The following DNAH2 variants were observed in gnomAD, a reference collection of about 807,000 sequenced individuals.
The protein encoded by DNAH2 is dynein axonemal heavy chain 2.
Under a neutral mutation model 523.5 loss-of-function variants are expected in DNAH2, and 323 were observed. That is an observed-to-expected ratio of 0.62 (90% CI 0.56 to 0.68). The LOEUF (loss-of-function observed/expected upper bound fraction) is 0.68. DNAH2 is among the 30% of genes least tolerant of loss of function. DNAH2 has a pLI of 0.00. For missense variants in DNAH2, 4,907 were observed against 5,701.5 expected (o/e 0.86, Z 4.49); for synonymous variants, 2,093 against 2,177.4 (o/e 0.96, Z 1.08).
rs569615975 is a variant in DNAH2 at position 7,774,759 on chromosome 17, G to T, written c.4502G>T (p.Gly1501Val). ...NNALRSTHHP[G>V]LLDTLIEMNT... Reference sequence around the variant, plus strand: ...TGTCATTCATCGCTCTTCTTCCCAGGCCTCCTGGACACATTGATAGAAATG... The same window carrying T: ...TGTCATTCATCGCTCTTCTTCCCAGTCCTCCTGGACACATTGATAGAAATG... Residue 1501 changes from glycine (G) to valine (V), a missense_variant and splice_region_variant, in exon 29 of 86, where the codon GGC (glycine) becomes GTC (valine). By Grantham distance (109) the Gly-to-Val change is moderately radical (BLOSUM62 -3). Around this residue, in one of 3 missense-constraint regions of DNAH2, gnomAD observed 2,806 missense variants for 3,190.8 expected, o/e 0.88. Transcript: ENST00000572933. 4.3e-6 allele frequency: 7 copies of T among 1,612,456 alleles called. No individual in the cohort carries two copies. The highest frequency in any genetic ancestry group is 5.9e-6 in the Non-Finnish European group (7 of 1,178,822).
In DNAH2 at chr17:7,727,305, C is replaced by T. The variant is rs2074847165; in HGVS notation, c.399+13C>T. ...CATGCCTGTACAGGTGCGTACCCTACATTCCCAGATCAAAGGTGGTCCTAC... is the reference window on the plus strand; with the variant it reads ...CATGCCTGTACAGGTGCGTACCCTATATTCCCAGATCAAAGGTGGTCCTAC... On this transcript the variant is annotated intron_variant, in intron 4 of 85. Coordinates refer to ENST00000572933, the MANE Select transcript of DNAH2 (RefSeq NM_020877.5). The T allele has an allele frequency of 1.3e-6, 2 of 1,598,398 alleles. No individual in the cohort carries two copies. The highest frequency in any genetic ancestry group is 1.1e-5 in the South Asian group (1 of 88,092).
Position 7,804,273 on chromosome 17 carries a change from G to A in DNAH2, c.8990G>A (p.Arg2997Gln), listed in dbSNP as rs777805929. The A allele has an allele frequency of 2.2e-5, 36 of 1,613,940 alleles. 1 individual carries two copies. Among genetic ancestry groups the A allele is most frequent in the South Asian group, 2.1e-4 (19 of 91,064 alleles). ...TCCCCCAGGTTGCTGGGAGAAAAAC[G>A]GCAGGAGCTGCTGGCCCAAGCCAAT... ...SGYKKLLGEKRQELLAQANKL... is the reference protein window; with the variant it reads ...SGYKKLLGEKQQELLAQANKL... The change falls in exon 59 of 86, where the codon CGG becomes CAG. Residue 2997 changes from arginine (R) to glutamine (Q), a missense_variant. By Grantham distance (43) the Arg-to-Gln change is conservative. Around this residue, in one of 3 missense-constraint regions of DNAH2, gnomAD observed 1,851 missense variants for 2,139.4 expected, o/e 0.87. Coordinates refer to ENST00000572933, the MANE Select transcript of DNAH2 (RefSeq NM_020877.5).
In DNAH2 at chr17:7,781,024, CTG is replaced by C. The variant is rs767289732; in HGVS notation, c.6004-16_6004-15del. ...GCCCTGCCTCCTCAAGCCTGAGTCT[CTG>C]TCTTTTCCCATTCAGGTTCTGCTGC... On this transcript the variant is annotated splice_polypyrimidine_tract_variant and intron_variant, in intron 38 of 85. Transcript: ENST00000572933. 5.6e-5 allele frequency: 91 copies of C among 1,613,710 alleles called. No homozygotes were observed. The highest frequency in any genetic ancestry group is 2.4e-5 in the Non-Finnish European group (28 of 1,180,056).
rs1456318143 is a variant in DNAH2, at chr17:7,790,706, CT to C, written c.6901-1205del. Among the ~76,000 whole-genome samples the C allele has an allele frequency of 6.2e-3, 803 of 129,176 alleles. 9 individuals carry two copies. The highest frequency in any genetic ancestry group is 0.019 in the African/African-American group (744 of 39,104). The allele number at this position is 129,176 out of a possible 152,430, so 84.7% of individuals were successfully genotyped here. On this transcript the variant is annotated intron_variant, in intron 44 of 85. Transcript: ENST00000572933. ...TGTTTGTGTATGTCATTCCAGACCT[CT>C]TTTTTAATTTTTTTTTTTTTAAGAG... is the stretch of plus-strand genomic sequence containing the variant.
In DNAH2 at chr17:7,785,094, ATT is replaced by A. The variant is rs33990598; in HGVS notation, c.6130-1014_6130-1013del. On this transcript the variant is annotated intron_variant, in intron 39 of 85. Coordinates refer to ENST00000572933, the MANE Select transcript of DNAH2 (RefSeq NM_020877.5). ...AATGGATCAAAGAAGAAATTAGAGA[ATT>A]TTTTTTTTTTTTTTTGAGATGGAGT... 2.5e-3 allele frequency among the ~76,000 whole-genome samples: 340 copies of A among 134,804 alleles called. 1 individual carries two copies. Among genetic ancestry groups the A allele is most frequent in the Admixed American group, 2.8e-3 (38 of 13,596 alleles). The allele number at this position is 134,804 out of a possible 152,430, so 88.4% of individuals were successfully genotyped here. A position where few individuals can be genotyped will look rare whatever the true frequency, so the allele number is the denominator to read the frequency against.
Position 7,776,054 on chromosome 17 carries a change from A to T in DNAH2, c.4852A>T (p.Arg1618Trp). ...SWLGDVEQTMRVTLRDLLRNC... is the reference protein window; with the variant it reads ...SWLGDVEQTMWVTLRDLLRNC... Reference sequence around the variant, plus strand: ...GCTTGGCGATGTGGAACAGACCATGAGGGTGACCCTGCGGGACCTTCTCCG... The same window carrying T: ...GCTTGGCGATGTGGAACAGACCATGTGGGTGACCCTGCGGGACCTTCTCCG... Residue 1618 changes from arginine (R) to tryptophan (W), a missense_variant, in exon 31 of 86, where the codon AGG (arginine) becomes TGG (tryptophan). This residue lies in a region of DNAH2 where 2,806 missense variants were observed against 3,190.8 expected (regional missense o/e 0.88). Coordinates refer to ENST00000572933, the MANE Select transcript of DNAH2 (RefSeq NM_020877.5). The T allele has an allele frequency of 6.2e-7, 1 of 1,614,082 alleles. No homozygotes were observed. The highest frequency in any genetic ancestry group is 2.2e-5 in the East Asian group (1 of 44,874).
At chr17:7,720,256 G>A (rs1293775510) in intron 2 of DNAH2, among the ~76,000 whole-genome samples, 1 of 152,024 alleles carries the variant, frequency 6.6e-6, no homozygotes, top group African/African-American at 2.4e-5. Context: ...TTCACCCTGG[G>A]TGGCAAAACA....
At chr17:7,761,261 T>C (rs2151199128) in intron 18 of DNAH2, among the ~76,000 whole-genome samples, 2 of 152,146 alleles carry the variant, frequency 1.3e-5, no homozygotes, top group South Asian at 4.2e-4. Flanking sequence ...TAGAAGATTA[T>C]TTTGTTTGTT....
chr17:7,821,149 G>A lies in DNAH2; in HGVS notation c.11016-94G>A. On this transcript the variant is annotated intron_variant, in intron 72 of 85. Coordinates refer to ENST00000572933, the MANE Select transcript of DNAH2 (RefSeq NM_020877.5). This position sits in a 1 kb window ranked among gnomAD's most constrained non-coding sequence, Gnocchi z 5.0. ...ATTAGAGGCTGGTGAGGTCCTCTGT[G>A]TGAAGCTGTGTGATAGTAGCATCAT... 6.6e-7 allele frequency: 1 copy of A among 1,518,944 alleles called. No individual in the cohort carries two copies. The highest frequency in any genetic ancestry group is 1.3e-5 in the South Asian group (1 of 77,326). 94.1% of individuals were successfully genotyped at this position (1,518,944 alleles called of 1,614,324 possible). A position where few individuals can be genotyped will look rare whatever the true frequency, so the allele number is the denominator to read the frequency against.
chr17:7,785,239 C>T (rs544373521), intron 39 of DNAH2, among the ~76,000 whole-genome samples: 3 of 151,958 alleles, frequency 2.0e-5, no homozygotes, highest in South Asian at 4.2e-4. Context: ...GTAGCTGGGA[C>T]TACAGGCACA....
chr17:7,802,476 C>G (rs2151294923), intron 58 of DNAH2, among the ~76,000 whole-genome samples: 1 of 152,294 alleles, frequency 6.6e-6, no homozygotes, highest in African/African-American at 2.4e-5. Flanking sequence ...GCTCCAGTCC[C>G]TGATATAGAA....
At chr17:7,824,954 A>G (rs2077978308) in intron 77 of DNAH2, among the ~76,000 whole-genome samples, 1 of 152,178 alleles carries the variant, frequency 6.6e-6, no homozygotes, top group African/African-American at 2.4e-5. Flanking sequence ...CTTTACATTT[A>G]TTAACTCGTT....
intron 53 of DNAH2, 87 bp downstream of exon 53, chr17:7,797,916 C>A: frequency 1.7e-5 from 26 of 1,504,916 alleles, no homozygotes; most frequent in Non-Finnish European, 2.1e-5. Flanking sequence ...CCAGGTCTCC[C>A]AAATCAAGTT....
chr17:7,777,681 T>G (rs1259649579), intron 33 of DNAH2, 47 bp downstream of exon 33: 2 of 1,601,944 alleles, frequency 1.2e-6, no homozygotes, highest in Non-Finnish European at 1.7e-6. Context: ...AAATGGATCC[T>G]AATGCTTTTA....
rs530334740 is a variant in DNAH2, at chr17:7,826,245, C to T, written c.11853+1518C>T. Among the ~76,000 whole-genome samples the T allele has an allele frequency of 8.5e-5, 13 of 152,262 alleles. No homozygotes were observed. In the South Asian group the frequency reaches 2.7e-3, roughly 32 times the overall value. On this transcript the variant is annotated intron_variant, in intron 77 of 85. Transcript: ENST00000572933. ...ATGGTGGCCAGGCTGGTCTCGAACT[C>T]CTGACCTCAGGTGATCCACCCACCT...
In DNAH2 at chr17:7,760,803, G is replaced by C. The variant is rs200715522; in HGVS notation, c.2849G>C (p.Ser950Thr). The change falls in exon 18 of 86, where the codon AGC (serine) becomes ACC (threonine). Residue 950 changes from serine (S) to threonine (T), a missense_variant. Coordinates refer to ENST00000572933, the MANE Select transcript of DNAH2 (RefSeq NM_020877.5). The surrounding 1 kb of genome is among the most constrained non-coding windows in gnomAD (Gnocchi z 4.0). ...QISSGMTNNA[S>T]LLQNYLKTWD... ...AGCAGCGGCATGACTAACAACGCAAGCCTGCTGCAGAACTACCTCAAGACC... is the reference window on the plus strand; with the variant it reads ...AGCAGCGGCATGACTAACAACGCAACCCTGCTGCAGAACTACCTCAAGACC... The C allele has an allele frequency of 9.3e-6, 15 of 1,614,212 alleles. No individual in the cohort carries two copies. The highest frequency in any genetic ancestry group is 2.2e-5 in the South Asian group (2 of 91,084).
At chr17:7,783,581 G>A (rs534944724) in intron 39 of DNAH2, among the ~76,000 whole-genome samples, 6 of 152,042 alleles carry the variant, frequency 3.9e-5, no homozygotes, top group Non-Finnish European at 7.4e-5. Flanking sequence ...CTAGCACTTT[G>A]GGAGGCATAA....
At chr17:7,733,802 AC>A (rs1212119312) in intron 5 of DNAH2, among the ~76,000 whole-genome samples, 3 of 152,050 alleles carry the variant, frequency 2.0e-5, no homozygotes, top group Non-Finnish European at 4.4e-5. Flanking sequence ...ATCCAGACAC[AC>A]TTTTCTGTTG....
chr17:7,726,740 T>C (rs1351387646), intron 3 of DNAH2, among the ~76,000 whole-genome samples: 2 of 152,164 alleles, frequency 1.3e-5, no homozygotes, highest in African/African-American at 2.4e-5. Context: ...CTTTTCCAGC[T>C]TGTGGTCTCC....
Sources: gnomAD v4.1 joint callset for allele counts (sites outside exome capture counted in the v4.1 genomes callset) on GRCh38, gnomAD v4.1.1 for gene constraint, gnomAD v4.1.1 regional missense constraint, Gnocchi (gnomAD v3.1) non-coding constraint, MANE v1.5 for transcripts, NCBI Gene and HGNC (gene_info 2026-07-23, HGNC 2026-07-21) for gene names.